The following LRP12 variants were observed in gnomAD, a reference collection of about 807,000 sequenced individuals.
The protein encoded by LRP12 is LDL receptor related protein 12.
In LRP12, 14 loss-of-function variants were observed where a neutral mutation model predicts 66.0. That is an observed-to-expected ratio of 0.21 (90% CI 0.14 to 0.33). The LOEUF (loss-of-function observed/expected upper bound fraction) is 0.33. Ranked by LOEUF, LRP12 falls within the 10% of genes least tolerant of loss-of-function variation. LRP12 has a pLI of 1.00. For synonymous variants in LRP12, 357 were observed against 359.1 expected (o/e 0.99, Z 0.07); for missense variants, 889 against 1,053.4 (o/e 0.84, Z 2.16).
intron 1 of LRP12, among the ~76,000 whole-genome samples, chr8:104,547,564 T>G (rs1362378010): frequency 7.9e-6 from 1 of 126,118 alleles, no homozygotes; most frequent in Non-Finnish European, 1.6e-5. Context: ...ATATTATATA[T>G]TAATAATTAT....
chr8:104,548,063 A>G (rs1406172688), intron 1 of LRP12, among the ~76,000 whole-genome samples: 2 of 118,034 alleles, frequency 1.7e-5, no homozygotes, highest in Admixed American at 2.2e-4. Context: ...TATTTTGTAT[A>G]TAATATATAA....
At chr8:104,540,765 C>T (rs1401024857) in intron 1 of LRP12, among the ~76,000 whole-genome samples, 5 of 152,286 alleles carry the variant, frequency 3.3e-5, no homozygotes, top group African/African-American at 7.2e-5. Context: ...GACAGAGTCT[C>T]GCTCTGTCGC....
rs187092841 is a variant in LRP12 at position 104,521,234 on chromosome 8, T to C, written c.136+10673A>G. ...GAAATGCTCCAATGAGCATTTCCTT[T>C]GAGTGTTATGTCGTTGCTCAAAATG... On this transcript the variant is annotated intron_variant, in intron 2 of 6. Coordinates refer to ENST00000276654, the MANE Select transcript of LRP12 (RefSeq NM_013437.5). Among the ~76,000 whole-genome samples the C allele has an allele frequency of 4.6e-3, 693 of 152,058 alleles. 9 individuals carry two copies. Among genetic ancestry groups the C allele is most frequent in the African/African-American group, 0.016 (664 of 41,518 alleles).
In LRP12 at chr8:104,497,680, G is replaced by C; in HGVS notation, c.872C>G (p.Thr291Ser). Residue 291 changes from threonine (T) to serine (S), a missense_variant, in exon 5 of 7, where the codon ACT becomes AGT. By Grantham distance (58) the Thr-to-Ser change is moderately conservative (BLOSUM62 1). Coordinates refer to ENST00000276654, the MANE Select transcript of LRP12 (RefSeq NM_013437.5). The surrounding 1 kb of genome is among the most constrained non-coding windows in gnomAD (Gnocchi z 4.3). ...PGSNCTWLID[T>S]GDHRKVILRF... ...TAAAATGACTTTACGGTGATCACCAGTGTCTATTAACCAGGTGCAATTGCT... is the reference window on the plus strand; with the variant it reads ...TAAAATGACTTTACGGTGATCACCACTGTCTATTAACCAGGTGCAATTGCT... 6.2e-7 allele frequency: 1 copy of C among 1,614,116 alleles called. No individual in the cohort carries two copies. The highest frequency in any genetic ancestry group is 8.5e-7 in the Non-Finnish European group (1 of 1,180,010).
Position 104,508,984 on chromosome 8 carries a change from C to T in LRP12, c.227G>A (p.Cys76Tyr). The change falls in exon 3 of 7, where the codon TGT becomes TAT. Residue 76 changes from cysteine to tyrosine, a missense_variant. Physicochemically the swap from Cys to Tyr is radical, Grantham distance 194 (BLOSUM62 -2). Around this residue, in one of 3 missense-constraint regions of LRP12, gnomAD observed 800 missense variants for 964.5 expected, o/e 0.83. Transcript: ENST00000276654. Reference sequence around the variant, plus strand: ...TGGGTTTGCCCTTATGAACCAGCTACAGTTGATTTTTGCAGGATATTCAGA... The same window carrying T: ...TGGGTTTGCCCTTATGAACCAGCTATAGTTGATTTTTGCAGGATATTCAGA... ...WPSEYPAKIN[C>Y]SWFIRANPGE... 1 of 1,613,762 alleles carries T rather than the reference C, an allele frequency of 6.2e-7. No individual in the cohort carries two copies. Among genetic ancestry groups the T allele is most frequent in the South Asian group, 1.1e-5 (1 of 91,052 alleles).
chr8:104,566,110 G>T (rs991128766), intron 1 of LRP12: 64 of 307,354 alleles, frequency 2.1e-4, no homozygotes, highest in African/African-American at 1.3e-3. Flanking sequence ...GAAGACCACT[G>T]GCCTTGTGGG....
At chr8:104,498,100 G>T in intron 4 of LRP12, 24 bp from the exon 5 acceptor site, 1 of 1,529,900 alleles carries the variant, frequency 6.5e-7, no homozygotes, top group Non-Finnish European at 8.8e-7. Flanking sequence ...AGTAGAAATA[G>T]ATGGAAAGAG....
At chr8:104,491,578 A>G in intron 6 of LRP12, 39 bp from the exon 7 acceptor site, 1 of 1,379,228 alleles carries the variant, frequency 7.3e-7, no homozygotes, top group African/African-American at 1.7e-5. Context: ...AGTTAACAAC[A>G]AGGTACTAAG....
At chr8:104,508,767 C>A in intron 3 of LRP12, 172 bp downstream of exon 3, 1 of 541,408 alleles carries the variant, frequency 1.8e-6, no homozygotes, top group Non-Finnish European at 3.2e-6. Context: ...AAACACATAC[C>A]AGATGGGCTG....
chr8:104,539,446 CCTAT>C (rs1261511821), intron 1 of LRP12, among the ~76,000 whole-genome samples: 3 of 151,902 alleles, frequency 2.0e-5, no homozygotes, highest in African/African-American at 4.8e-5. Flanking sequence ...ATTATCCTGT[CCTAT>C]CTATTTTCAC....
In LRP12 at chr8:104,589,217, C is replaced by A. The variant is rs1016378471; in HGVS notation, c.-320G>T. Reference sequence around the variant, plus strand: ...AGGGTGGCGGACGCCGGACTCCGGCCTCGCGCCGCTCGGGCTAGCCGGCGC... The same window carrying A: ...AGGGTGGCGGACGCCGGACTCCGGCATCGCGCCGCTCGGGCTAGCCGGCGC... On this transcript the variant is annotated 5_prime_UTR_variant, in exon 1 of 7. It adds an upstream start codon to the 5' untranslated region. Transcript: ENST00000276654. Among the ~76,000 whole-genome samples the A allele has an allele frequency of 9.9e-5, 15 of 151,668 alleles. No individual in the cohort carries two copies. Among genetic ancestry groups the A allele is most frequent in the African/African-American group, 3.4e-4 (14 of 41,432 alleles).
chr8:104,565,897 A>C (rs1470112783), intron 1 of LRP12, among the ~76,000 whole-genome samples: 1 of 135,788 alleles, frequency 7.4e-6, no homozygotes, highest in Non-Finnish European at 1.6e-5. Context: ...CACCCCATAC[A>C]TGTTACTTGG....
intron 1 of LRP12, among the ~76,000 whole-genome samples, chr8:104,566,822 T>C (rs1025508604): frequency 1.3e-5 from 2 of 152,186 alleles, no homozygotes; most frequent in African/African-American, 2.4e-5. Flanking sequence ...AACAAAGTTA[T>C]AGATCACTGT....
chr8:104,534,843 CAAAG>C (rs1811372162), intron 1 of LRP12, among the ~76,000 whole-genome samples: 1 of 151,528 alleles, frequency 6.6e-6, no homozygotes, highest in African/African-American at 2.4e-5. Context: ...GTAGATAGCC[CAAAG>C]AAAATCGCTT....
At chr8:104,511,065 G>C (rs2959030) in intron 2 of LRP12, among the ~76,000 whole-genome samples, 1 of 105,614 alleles carries the variant, frequency 9.5e-6, no homozygotes. Context: ...TTTTGAGATA[G>C]AGTCTCACTC....
chr8:104,500,790 A>T (rs1810817831), intron 3 of LRP12, among the ~76,000 whole-genome samples: 1 of 151,574 alleles, frequency 6.6e-6, no homozygotes, highest in African/African-American at 2.4e-5. Flanking sequence ...TTTCTCTAGG[A>T]CAAACTATTC....
chr8:104,513,969 C>T (rs1391626236), intron 2 of LRP12, among the ~76,000 whole-genome samples: 1 of 152,120 alleles, frequency 6.6e-6, no homozygotes, highest in Non-Finnish European at 1.5e-5. Context: ...TTCAGAATAT[C>T]CTATATTCTG....
chr8:104,565,580 C>T (rs183579353), intron 1 of LRP12, among the ~76,000 whole-genome samples: 2 of 152,066 alleles, frequency 1.3e-5, no homozygotes, highest in African/African-American at 4.8e-5. Context: ...ACAACCCAGG[C>T]CGGGCGCGGT....
At chr8:104,536,506 A>G (rs1210811095) in intron 1 of LRP12, among the ~76,000 whole-genome samples, 1 of 152,116 alleles carries the variant, frequency 6.6e-6, no homozygotes, top group East Asian at 1.9e-4. Context: ...AGTACAAAAC[A>G]TAACACATAG....
Sources: allele counts gnomAD v4.1 joint callset (sites outside exome capture counted in the v4.1 genomes callset), GRCh38; gene constraint gnomAD v4.1.1; regional missense constraint gnomAD v4.1.1; non-coding constraint Gnocchi (gnomAD v3.1); transcripts MANE v1.5; gene names NCBI Gene and HGNC (gene_info 2026-07-23, HGNC 2026-07-21).